The following PCBP3 variants were observed in gnomAD, a reference collection of about 807,000 sequenced individuals.
PCBP3 encodes the protein poly(rC) binding protein 3, also known as poly(rC)-binding protein 3.
A neutral mutation model predicts 52.7 loss-of-function variants in PCBP3; 25 were observed. The ratio of observed to expected loss-of-function variants is 0.47; its 90% CI spans 0.35 to 0.66. The LOEUF (loss-of-function observed/expected upper bound fraction) is 0.66. Ranked by LOEUF, PCBP3 falls within the 30% of genes least tolerant of loss-of-function variation. The pLI is 0.01. For synonymous variants in PCBP3, 162 were observed against 183.0 expected, an observed-to-expected ratio of 0.89 and a Z score of 0.93; for missense variants, 391 against 490.3, an observed-to-expected ratio of 0.80 and a Z score of 1.91.
intron 2 of PCBP3, among the ~76,000 whole-genome samples, chr21:45,695,041 C>A (rs1484179574): frequency 2.0e-5 from 3 of 152,068 alleles, no homozygotes; most frequent in Admixed American, 2.0e-4. Flanking sequence ...GGATCTCCAC[C>A]AGCCATTATG....
chr21:45,826,983 T>C (rs2093324709), intron 4 of PCBP3, among the ~76,000 whole-genome samples: 1 of 151,912 alleles, frequency 6.6e-6, no homozygotes, highest in Non-Finnish European at 1.5e-5. Context: ...GTCCACACCA[T>C]GGGGGCATCA....
intron 4 of PCBP3, among the ~76,000 whole-genome samples, chr21:45,803,572 C>T (rs781678318): frequency 3.9e-5 from 6 of 152,108 alleles, no homozygotes; most frequent in African/African-American, 1.2e-4. Flanking sequence ...CTGCCAGTGC[C>T]GGGAGCTTTC....
intron 5 of PCBP3, among the ~76,000 whole-genome samples, chr21:45,870,590 G>A (rs1024881203): frequency 2.0e-5 from 3 of 152,186 alleles, no homozygotes; most frequent in Admixed American, 2.0e-4. Flanking sequence ...CTGGTTGGCT[G>A]GAAGCTCCTG....
chr21:45,866,419 G>T (rs1359238327), intron 5 of PCBP3, among the ~76,000 whole-genome samples: 1 of 152,244 alleles, frequency 6.6e-6, no homozygotes, highest in Non-Finnish European at 1.5e-5. Context: ...CAAAAGAGAG[G>T]CTCATGGAAC....
Position 45,850,071 on chromosome 21 carries a change from C to A in PCBP3, c.-15C>A, listed in dbSNP as rs573974706. On this transcript the variant is annotated 5_prime_UTR_variant, in exon 5 of 18. Transcript: ENST00000681687. ...TTGCTGTCTATGGATCTGCTCTAAA[C>A]CTTATAGCCTGCTTATGGGGGAAGG... The A allele has an allele frequency of 3.1e-4, 480 of 1,549,708 alleles. No homozygotes were observed. The highest frequency in any genetic ancestry group is 3.9e-4 in the Non-Finnish European group (444 of 1,145,154).
chr21:45,940,160 C>T lies in PCBP3; in HGVS notation c.1040C>T (p.Pro347Leu), dbSNP rs776335999. The part of the protein sequence containing the change: ...SERQITITGT[P>L]ANISLAQYLI... ...CGTCAGATCACCATCACGGGGACCC[C>T]GGCCAACATCAGCCTTGCCCAGTAT... The change falls in exon 17 of 18, where the codon CCG becomes CTG. Residue 347 changes from proline to leucine, a missense_variant. Transcript: ENST00000681687. 3.0e-5 allele frequency: 49 copies of T among 1,613,926 alleles called. No individual in the cohort carries two copies. Among genetic ancestry groups the T allele is most frequent in the Non-Finnish European group, 3.9e-5 (46 of 1,179,938 alleles).
chr21:45,739,818 C>T (rs565400902), intron 3 of PCBP3, among the ~76,000 whole-genome samples: 5 of 152,366 alleles, frequency 3.3e-5, no homozygotes, highest in Middle Eastern at 6.8e-3. Flanking sequence ...CAGCCCACAG[C>T]ACCTGGTGCT....
chr21:45,917,323 G>A lies in PCBP3; in HGVS notation c.676-265G>A, dbSNP rs767629316. 3.7e-4 allele frequency: 140 copies of A among 381,326 alleles called. No individual in the cohort carries two copies. The highest frequency in any genetic ancestry group is 2.2e-3 in the African/African-American group (107 of 47,912). 23.6% of individuals were successfully genotyped at this position (381,326 alleles called of 1,614,324 possible). A position where few individuals can be genotyped will look rare whatever the true frequency, so the allele number is the denominator to read the frequency against. On this transcript the variant is annotated intron_variant, in intron 12 of 17. Transcript: ENST00000681687. The surrounding 1 kb of genome is among the most constrained non-coding windows in gnomAD (Gnocchi z 5.3). Reference sequence around the variant, plus strand: ...CTTTTGCTTTAAGAAACTTGGAGTCGGAAGCATCAAGGCTGAACTGTTTCC... The same window carrying A: ...CTTTTGCTTTAAGAAACTTGGAGTCAGAAGCATCAAGGCTGAACTGTTTCC...
At chr21:45,650,195 G>A (rs935443618) in intron 1 of PCBP3, among the ~76,000 whole-genome samples, 25 of 151,652 alleles carry the variant, frequency 1.6e-4, no homozygotes, top group African/African-American at 3.2e-4. Flanking sequence ...AAAATTAGCC[G>A]GGCATGGTGG....
intron 5 of PCBP3, among the ~76,000 whole-genome samples, chr21:45,894,891 A>G (rs1308987647): frequency 1.3e-5 from 2 of 152,266 alleles, no homozygotes; most frequent in African/African-American, 4.8e-5. Context: ...TTTATTACAA[A>G]TAATAATGTA....
In PCBP3 at chr21:45,940,202, G is replaced by T. The variant is rs1030321953; in HGVS notation, c.1079+3G>T. ...GCCCAGTATCTCATCAACGCCAGGT[G>T]AGCATCTCCCAAGGGTCTCTGAGAG... On this transcript the variant is annotated splice_donor_region_variant and intron_variant, in intron 17 of 17. Transcript: ENST00000681687. 1.9e-6 allele frequency: 3 copies of T among 1,610,800 alleles called. No homozygotes were observed. The highest frequency in any genetic ancestry group is 2.5e-6 in the Non-Finnish European group (3 of 1,177,796).
intron 2 of PCBP3, among the ~76,000 whole-genome samples, chr21:45,680,090 T>C (rs2081742018): frequency 6.6e-6 from 1 of 152,250 alleles, no homozygotes; most frequent in Non-Finnish European, 1.5e-5. Context: ...TTGATTGCCA[T>C]GTCCATCCTT....
chr21:45,856,526 G>A (rs545582760), intron 5 of PCBP3, among the ~76,000 whole-genome samples: 1 of 152,330 alleles, frequency 6.6e-6, no homozygotes. Flanking sequence ...CCATCCCCTG[G>A]TGATGACCGA....
intron 7 of PCBP3, 45 bp downstream of exon 7, chr21:45,899,667 G>GGGATGGTGA (rs1412144565): frequency 6.7e-7 from 1 of 1,490,348 alleles, no homozygotes; most frequent in Non-Finnish European, 9.4e-7. Context: ...TCTCTGTAAG[G>GGGATGGTGA]GGATGGTGAG....
intron 4 of PCBP3, among the ~76,000 whole-genome samples, chr21:45,820,219 A>T (rs2093090147): frequency 1.3e-5 from 2 of 152,216 alleles, no homozygotes; most frequent in African/African-American, 4.8e-5. Flanking sequence ...TGGTGTGTCC[A>T]TGTCAAGTGT....
intron 4 of PCBP3, chr21:45,836,494 G>A (rs2093591548): frequency 6.6e-6 from 1 of 151,380 alleles, no homozygotes; most frequent in Admixed American, 6.6e-5. Flanking sequence ...AGTGCTGCCT[G>A]GTCTGGGATC....
chr21:45,926,092 C>A (rs1386023300), intron 13 of PCBP3, among the ~76,000 whole-genome samples: 7 of 152,248 alleles, frequency 4.6e-5, no homozygotes, highest in African/African-American at 1.4e-4. Flanking sequence ...ACTCTCTTAG[C>A]ACAAAGCAAT....
intron 3 of PCBP3, among the ~76,000 whole-genome samples, chr21:45,739,592 C>CCCG (rs1569168615): frequency 8.3e-6 from 1 of 120,530 alleles, no homozygotes; most frequent in Non-Finnish European, 1.8e-5. Flanking sequence ...GGGTGCCCCC[C>CCCG]CCCATCTTCA....
At position 45,805,031 on chromosome 21, in the gene PCBP3, C is replaced by T. The variant is rs542896918; in HGVS notation, c.-125-44930C>T. 3.3e-5 allele frequency among the ~76,000 whole-genome samples: 5 copies of T among 152,264 alleles called. No individual in the cohort carries two copies. Among genetic ancestry groups the T allele is most frequent in the South Asian group, 2.1e-4 (1 of 4,822 alleles). On this transcript the variant is annotated intron_variant, in intron 4 of 17. Transcript: ENST00000681687. This position sits in a 1 kb window ranked among gnomAD's most constrained non-coding sequence, Gnocchi z 4.6. Reference sequence around the variant, plus strand: ...CTTCCCACTGCCTGGATGCTGTGACCGCCTGATCCCGTGGTGATGGCACAG... The same window carrying T: ...CTTCCCACTGCCTGGATGCTGTGACTGCCTGATCCCGTGGTGATGGCACAG...
Sources: gnomAD v4.1 joint callset for allele counts (sites outside exome capture counted in the v4.1 genomes callset) on GRCh38, gnomAD v4.1.1 for gene constraint, Gnocchi (gnomAD v3.1) non-coding constraint, MANE v1.5 for transcripts, NCBI Gene and HGNC (gene_info 2026-07-23, HGNC 2026-07-21) for gene names.